FBXO3: variants seen among roughly 807,000 people sequenced by gnomAD.
The protein encoded by FBXO3 is F-box protein 3.
Under a neutral mutation model 64.8 loss-of-function variants are expected in FBXO3, and 17 were observed. The ratio of observed to expected loss-of-function variants is 0.26; its 90% CI spans 0.18 to 0.39. The LOEUF (loss-of-function observed/expected upper bound fraction) is 0.39. Ranked by LOEUF, FBXO3 falls within the 10% of genes least tolerant of loss-of-function variation. FBXO3 has a pLI of 1.00. For missense variants in FBXO3, 420 were observed against 589.9 expected (o/e 0.71, Z 2.98); for synonymous variants, 182 against 201.6 (o/e 0.90, Z 0.82).
intron 3 of FBXO3, 105 bp downstream of exon 3, chr11:33,768,746 G>T: frequency 7.8e-7 from 1 of 1,277,764 alleles, no homozygotes; most frequent in Non-Finnish European, 1.1e-6. Context: ...AGACAAAGTT[G>T]GGTTAACACA....
In FBXO3 at chr11:33,748,906, T is replaced by C; in HGVS notation, c.933-14A>G. On this transcript the variant is annotated splice_polypyrimidine_tract_variant and intron_variant, in intron 8 of 10. Transcript: ENST00000265651. Reference sequence around the variant, plus strand: ...GACATTTCAATCCTAGAGAAGGGAATGGGGTGGTAGAGACAAAAATCTGGC... The same window carrying C: ...GACATTTCAATCCTAGAGAAGGGAACGGGGTGGTAGAGACAAAAATCTGGC... 1.6e-5 allele frequency: 25 copies of C among 1,574,346 alleles called. No homozygotes were observed. The highest frequency in any genetic ancestry group is 4.0e-5 in the African/African-American group (3 of 74,298).
chr11:33,756,865 G>C lies in FBXO3; in HGVS notation c.474-890C>G, dbSNP rs114571362. 2.9e-3 allele frequency among the ~76,000 whole-genome samples: 444 copies of C among 152,234 alleles called. 1 individual carries two copies. Among genetic ancestry groups the C allele is most frequent in the African/African-American group, 0.01 (416 of 41,540 alleles). On this transcript the variant is annotated intron_variant, in intron 4 of 10. Coordinates refer to ENST00000265651, the MANE Select transcript of FBXO3 (RefSeq NM_012175.4). ...AGCTCCTGAGTAGCTGGAGCTATAA[G>C]TGCATGCTACCAAGTCTGGCAAATT...
In FBXO3 at chr11:33,766,046, C is replaced by G. The variant is rs540069600; in HGVS notation, c.358+2805G>C. 2.6e-5 allele frequency among the ~76,000 whole-genome samples: 4 copies of G among 152,302 alleles called. No homozygotes were observed. In the East Asian group the frequency reaches 7.7e-4, roughly 29 times the overall value. On this transcript the variant is annotated intron_variant, in intron 3 of 10. Coordinates refer to ENST00000265651, the MANE Select transcript of FBXO3 (RefSeq NM_012175.4). ...CACTGACTGCATGATTTCTAGCAAG[C>G]TATTTCACCTCTTTAATCCTGTTTC...
At chr11:33,761,628 T>C (rs1052941963) in intron 3 of FBXO3, among the ~76,000 whole-genome samples, 13 of 152,212 alleles carry the variant, frequency 8.5e-5, no homozygotes, top group Non-Finnish European at 1.9e-4. Context: ...AAAGCACTTA[T>C]TATTTCACAG....
At chr11:33,758,046 GACAAA>G in intron 4 of FBXO3, among the ~76,000 whole-genome samples, 1 of 151,914 alleles carries the variant, frequency 6.6e-6, no homozygotes, top group South Asian at 2.1e-4. Flanking sequence ...TGTTTAATAT[GACAAA>G]ACAATTTTAT....
intron 3 of FBXO3, among the ~76,000 whole-genome samples, chr11:33,767,002 GAAAA>G (rs11417319): frequency 7.0e-6 from 1 of 142,190 alleles, no homozygotes; most frequent in African/African-American, 2.6e-5. Context: ...AAAAAAAAAA[GAAAA>G]AAAAAAGGAA....
At chr11:33,746,566 C>G in intron 10 of FBXO3, 2 of 653,850 alleles carry the variant, frequency 3.1e-6, no homozygotes, top group Non-Finnish European at 5.5e-6. Context: ...ATATTTTATC[C>G]CCATTGTATA....
chr11:33,763,899 C>G (rs1400925772), intron 3 of FBXO3, among the ~76,000 whole-genome samples: 1 of 151,948 alleles, frequency 6.6e-6, no homozygotes, highest in Non-Finnish European at 1.5e-5. Flanking sequence ...GCCAAAAAGG[C>G]TAAAATAAAA....
Position 33,768,891 on chromosome 11 carries a change from A to G in FBXO3, c.318T>C (p.Tyr106=), listed in dbSNP as rs769324553. 9 of 1,614,116 alleles carry G rather than the reference A, an allele frequency of 5.6e-6. No individual in the cohort carries two copies. In the East Asian group the frequency reaches 1.8e-4, roughly 32 times the overall value. ...IKKAWDDLKK[Y]LEPRCPRMVL... is the part of the protein sequence containing the mutation. ...CCATCCGAGGACACCTGGGCTCCAA[A>G]TATTTCTTGAGATCATCCCAGGCCT... is the stretch of plus-strand genomic sequence containing the variant. The change falls in exon 3 of 11, where the codon TAT becomes TAC. Residue 106 remains tyrosine, a synonymous_variant. Coordinates refer to ENST00000265651, the MANE Select transcript of FBXO3 (RefSeq NM_012175.4).
chr11:33,744,531 AAGC>A (rs1320592718), intron 10 of FBXO3: 1 of 152,216 alleles, frequency 6.6e-6, no homozygotes, highest in African/African-American at 2.4e-5. Context: ...GAGGACGAAA[AAGC>A]AGAACAATTC....
intron 3 of FBXO3, among the ~76,000 whole-genome samples, chr11:33,766,908 G>C (rs1855384761): frequency 6.6e-6 from 1 of 151,016 alleles, no homozygotes; most frequent in Admixed American, 6.6e-5. Flanking sequence ...TAAAACAGGA[G>C]CTGTCAAGGA....
intron 2 of FBXO3, 72 bp from the exon 3 acceptor site, chr11:33,769,086 C>T (rs1855445298): frequency 6.5e-6 from 8 of 1,236,846 alleles, no homozygotes; most frequent in Non-Finnish European, 9.0e-6. Context: ...ATACCTACAA[C>T]ATATAGAAAC....
intron 5 of FBXO3, 122 bp downstream of exon 5, chr11:33,755,649 T>C (rs1855078121): frequency 2.8e-6 from 2 of 722,946 alleles, no homozygotes; most frequent in Non-Finnish European, 4.9e-6. Flanking sequence ...GTTAGAGAGG[T>C]CTATAACTAA....
chr11:33,772,573 T>C (rs1298778242), intron 1 of FBXO3: 2 of 152,266 alleles, frequency 1.3e-5, no homozygotes, highest in African/African-American at 2.4e-5. Flanking sequence ...TGAACATACT[T>C]TTCCCTCTGC....
chr11:33,761,434 T>C (rs1192069798), intron 3 of FBXO3, among the ~76,000 whole-genome samples: 1 of 152,208 alleles, frequency 6.6e-6, no homozygotes. Flanking sequence ...ACAACTTTAT[T>C]AGAGCTAATG....
chr11:33,758,337 G>C (rs1855159037), intron 4 of FBXO3, 150 bp downstream of exon 4: 4 of 478,702 alleles, frequency 8.4e-6, no homozygotes, highest in Non-Finnish European at 1.1e-5. Flanking sequence ...TCAAGCTATA[G>C]ATTTTGTCTT....
chr11:33,743,514 G>T lies in FBXO3; in HGVS notation c.1240-1430C>A, dbSNP rs553962523. 6.6e-6 allele frequency: 1 copy of T among 152,262 alleles called. No individual in the cohort carries two copies. The highest frequency in any genetic ancestry group is 1.5e-5 in the Non-Finnish European group (1 of 68,100). The allele number at this position is 152,262 out of a possible 1,614,324, so 9.4% of individuals were successfully genotyped here. On this transcript the variant is annotated intron_variant, in intron 10 of 10. Coordinates refer to ENST00000265651, the MANE Select transcript of FBXO3 (RefSeq NM_012175.4). This position sits in a 1 kb window ranked among gnomAD's most constrained non-coding sequence, Gnocchi z 4.6. ...TGGAAAGTATGGGGCAACTTGGGGC[G>T]TGATGTCAGCCAGAGTCCTTCCACC... is the stretch of plus-strand genomic sequence containing the variant.
intron 7 of FBXO3, 52 bp from the exon 8 acceptor site, chr11:33,750,713 A>G (rs1292547115): frequency 6.5e-7 from 1 of 1,535,444 alleles, no homozygotes; most frequent in African/African-American, 1.4e-5. Context: ...GATTTAAAAG[A>G]TACGATGCAA....
intron 10 of FBXO3, 57 bp downstream of exon 10, chr11:33,747,073 T>G: frequency 6.3e-7 from 1 of 1,587,560 alleles, no homozygotes; most frequent in Non-Finnish European, 8.5e-7. Context: ...CTGGCTTATC[T>G]GCAGTGTTAA....
Sources: allele counts gnomAD v4.1 joint callset (sites outside exome capture counted in the v4.1 genomes callset), GRCh38; gene constraint gnomAD v4.1.1; non-coding constraint Gnocchi (gnomAD v3.1); transcripts MANE v1.5; gene names NCBI Gene and HGNC (gene_info 2026-07-23, HGNC 2026-07-21).